BPIFB1: variants seen among roughly 807,000 people sequenced by gnomAD.
The protein encoded by BPIFB1 is BPI fold-containing family B member 1.
A neutral mutation model predicts 55.1 loss-of-function variants in BPIFB1; 34 were observed. The ratio of observed to expected loss-of-function variants is 0.62; its 90% CI spans 0.47 to 0.82. BPIFB1 has a LOEUF of 0.82. Ranked by LOEUF, BPIFB1 falls within the 40% of genes least tolerant of loss-of-function variation. The pLI, the probability that BPIFB1 is intolerant of heterozygous loss-of-function variation, is 0.00. For synonymous variants in BPIFB1, 236 were observed against 245.3 expected (o/e 0.96, Z 0.35); for missense variants, 532 against 593.1 (o/e 0.90, Z 1.07).
intron 13 of BPIFB1, 136 bp from the exon 14 acceptor site, chr20:33,305,866 G>A: frequency 1.0e-6 from 1 of 980,836 alleles, no homozygotes. Context: ...CCACAGCTCT[G>A]ATCAGCAGGG....
At chr20:33,308,883 CACAT>C (rs1195796321) in intron 15 of BPIFB1, among the ~76,000 whole-genome samples, 14 of 151,002 alleles carry the variant, frequency 9.3e-5, no homozygotes, top group African/African-American at 2.9e-4. Flanking sequence ...ACACACCACA[CACAT>C]ACACACATAC....
intron 11 of BPIFB1, among the ~76,000 whole-genome samples, chr20:33,303,369 G>A (rs1358170760): frequency 1.3e-5 from 2 of 152,164 alleles, no homozygotes; most frequent in African/African-American, 4.8e-5. Flanking sequence ...GCTGGACCCA[G>A]GTGCTCAAAC....
intron 5 of BPIFB1, among the ~76,000 whole-genome samples, 189 bp downstream of exon 5, chr20:33,291,295 G>A (rs1980464648): frequency 6.6e-6 from 1 of 152,244 alleles, no homozygotes; most frequent in Admixed American, 6.5e-5. Context: ...AGGACATCAA[G>A]GTCAGAAGCA....
intron 6 of BPIFB1, among the ~76,000 whole-genome samples, chr20:33,293,861 A>AATAG (rs201030848): frequency 0.013 from 1,922 of 144,874 alleles, 48 homozygotes; most frequent in African/African-American, 0.054. Flanking sequence ...TAAATAAATA[A>AATAG]CACTGCTTTA....
chr20:33,306,771 A>G (rs1428124162), intron 14 of BPIFB1, 140 bp from the exon 15 acceptor site: 1 of 721,720 alleles, frequency 1.4e-6, no homozygotes. Context: ...CTGGGGCCAG[A>G]GAACAGGCGA....
chr20:33,297,480 A>T, intron 6 of BPIFB1, 45 bp from the exon 7 acceptor site: 1 of 1,609,558 alleles, frequency 6.2e-7, no homozygotes, highest in Non-Finnish European at 8.5e-7. Flanking sequence ...GTGGGGCTGC[A>T]TTCTGGCCCC....
rs1164812935 is a variant in BPIFB1 at position 33,288,749 on chromosome 20, C to T, written c.124C>T (p.Gln42Ter). 6.2e-7 allele frequency: 1 copy of T among 1,613,770 alleles called. No individual in the cohort carries two copies. Among genetic ancestry groups the T allele is most frequent in the East Asian group, 2.2e-5 (1 of 44,878 alleles). The stretch of plus-strand genomic sequence containing the variant: ...CTGGGGTCTGCCTCCAGAGCTGACA[C>T]AGGAGCTGAAGGACCACAACGCCAC... ...GPKVIKEKLT[Q>*]ELKDHNATSI... Residue 42 changes from glutamine (Q) to a stop codon, truncating the protein, a stop_gained, in exon 3 of 16, where the codon CAG (glutamine) becomes TAG (stop). Transcript: ENST00000253354. LOFTEE classifies it high-confidence loss of function.
At chr20:33,299,794 T>TGGGGGGGGGGGGGGGGGGGGGGG in intron 7 of BPIFB1, 105 bp from the exon 8 acceptor site, 1 of 838,654 alleles carries the variant, frequency 1.2e-6, no homozygotes. Context: ...CCTCCCTACC[T>TGGGGGGGGGGGGGGGGGGGGGGG]GCCCCCCCAT....
chr20:33,306,658 T>C, intron 14 of BPIFB1: 2 of 508,098 alleles, frequency 3.9e-6, no homozygotes, highest in African/African-American at 1.9e-5. Flanking sequence ...GAGCCCCTGA[T>C]GGTTCTTGAG....
chr20:33,288,097 T>C (rs1367699649), intron 2 of BPIFB1, among the ~76,000 whole-genome samples: 1 of 152,142 alleles, frequency 6.6e-6, no homozygotes, highest in Non-Finnish European at 1.5e-5. Flanking sequence ...AGCTGGGATA[T>C]TGATACACCA....
At chr20:33,286,642 A>C (rs1226654706) in intron 2 of BPIFB1, among the ~76,000 whole-genome samples, 1 of 152,192 alleles carries the variant, frequency 6.6e-6, no homozygotes, top group East Asian at 1.9e-4. Flanking sequence ...CCTGAGCCTC[A>C]GCTTCCACCT....
chr20:33,308,839 CAT>C (rs760848152), intron 15 of BPIFB1, among the ~76,000 whole-genome samples: 20 of 150,144 alleles, frequency 1.3e-4, no homozygotes, highest in Admixed American at 3.3e-4. Context: ...TACACACACA[CAT>C]AATACACACA....
chr20:33,286,125 T>C lies in BPIFB1; in HGVS notation c.52T>C (p.Leu18=), dbSNP rs1205392667. The change falls in exon 2 of 16, where the codon TTG becomes CTG. Residue 18 remains leucine, a synonymous_variant. Transcript: ENST00000253354. ...TLLCGLLAAT[L]IQATLSPTAV... ...TCTCTGTGGTTTGCTGGCAGCCACCTTGATCCAAGCCACCCTCAGTCCCAC... is the reference window on the plus strand; with the variant it reads ...TCTCTGTGGTTTGCTGGCAGCCACCCTGATCCAAGCCACCCTCAGTCCCAC... The C allele has an allele frequency of 2.5e-6, 4 of 1,614,212 alleles. No homozygotes were observed. The highest frequency in any genetic ancestry group is 2.5e-6 in the Non-Finnish European group (3 of 1,180,032).
chr20:33,289,076 C>T (rs181410991), intron 3 of BPIFB1, among the ~76,000 whole-genome samples, 194 bp downstream of exon 3: 1 of 152,298 alleles, frequency 6.6e-6, no homozygotes, highest in African/African-American at 2.4e-5. Flanking sequence ...CACAGGAACC[C>T]TAATACAACA....
intron 6 of BPIFB1, among the ~76,000 whole-genome samples, chr20:33,293,447 A>T (rs1980536180): frequency 6.6e-6 from 1 of 152,204 alleles, no homozygotes; most frequent in Non-Finnish European, 1.5e-5. Context: ...AAATAGGTAC[A>T]TTGGGTTTAA....
intron 1 of BPIFB1, among the ~76,000 whole-genome samples, chr20:33,285,045 G>A (rs1410883533): frequency 2.0e-5 from 3 of 152,098 alleles, no homozygotes; most frequent in Non-Finnish European, 4.4e-5. Context: ...CATGTCTTGG[G>A]CCCCAGGACA....
intron 6 of BPIFB1, among the ~76,000 whole-genome samples, chr20:33,296,421 G>T (rs1980656587): frequency 6.6e-6 from 1 of 152,154 alleles, no homozygotes; most frequent in Admixed American, 6.5e-5. Flanking sequence ...TTAAGGGGTG[G>T]TCAACAAGAC....
At chr20:33,305,508 A>G (rs4911317) in intron 13 of BPIFB1, among the ~76,000 whole-genome samples, 2,888 of 151,746 alleles carry the variant, frequency 0.019, 237 homozygotes, top group Admixed American at 0.15. Context: ...TAGTAGAGAC[A>G]GGGTTTCACC....
chr20:33,295,646 A>G (rs549235377), intron 6 of BPIFB1, among the ~76,000 whole-genome samples: 1 of 132,814 alleles, frequency 7.5e-6, no homozygotes, highest in African/African-American at 4.1e-5. Flanking sequence ...AAGAGAGAAG[A>G]AGAAAGAAAG....
Sources: gnomAD v4.1 joint callset for allele counts (sites outside exome capture counted in the v4.1 genomes callset) on GRCh38, gnomAD v4.1.1 for gene constraint, MANE v1.5 for transcripts, NCBI Gene and HGNC (gene_info 2026-07-23, HGNC 2026-07-21) for gene names.